Variants in TTC3 observed in about 807,000 individuals in gnomAD.
TTC3 encodes E3 ubiquitin-protein ligase TTC3.
Under a neutral mutation model 249.6 loss-of-function variants are expected in TTC3, and 180 were observed. The observed-to-expected ratio is 0.72, with a 90% confidence interval of 0.64 to 0.82. The LOEUF is 0.82. Ranked by LOEUF, TTC3 falls within the 40% of genes least tolerant of loss-of-function variation. The pLI is 0.00. For synonymous variants in TTC3, 717 were observed against 805.0 expected (o/e 0.89, Z 1.85); for missense variants, 2,061 against 2,398.4 (o/e 0.86, Z 2.94).
In TTC3 at chr21:37,152,043, A is replaced by G. The variant is rs761576547; in HGVS notation, c.2413+14A>G. ...AAGAGCAGAAAGGTATGCAGAAGCCAAAGGCATGATAAGAATAATATACTC... is the reference window on the plus strand; with the variant it reads ...AAGAGCAGAAAGGTATGCAGAAGCCGAAGGCATGATAAGAATAATATACTC... On this transcript the variant is annotated intron_variant, in intron 26 of 45. Transcript: ENST00000355666. 1.1e-4 allele frequency: 173 copies of G among 1,560,898 alleles called. No individual in the cohort carries two copies. The highest frequency in any genetic ancestry group is 1.5e-4 in the Non-Finnish European group (169 of 1,162,096).
At chr21:37,173,386 A>AC (rs1304438243) in intron 35 of TTC3, among the ~76,000 whole-genome samples, 1 of 152,210 alleles carries the variant, frequency 6.6e-6, no homozygotes, top group Non-Finnish European at 1.5e-5. Context: ...CTGTAAAGTC[A>AC]CCCAGAGTAT....
At chr21:37,089,599 C>T (rs549269484) in intron 5 of TTC3, among the ~76,000 whole-genome samples, 24 of 152,232 alleles carry the variant, frequency 1.6e-4, no homozygotes, top group South Asian at 2.1e-4. Context: ...CTGCCATCTT[C>T]GCCTCCCGGA....
At chr21:37,150,966 C>A (rs3737540) in intron 25 of TTC3, 82 bp downstream of exon 25, 487,137 of 1,053,016 alleles carry the variant, frequency 0.46, 115,582 homozygotes, top group South Asian at 0.55. Flanking sequence ...CTAAATTATG[C>A]CTTTTTAAAA....
intron 38 of TTC3, chr21:37,188,033 T>C (rs6517405): frequency 0.53 from 81,254 of 152,096 alleles, 22,352 homozygotes; most frequent in African/African-American, 0.64. Flanking sequence ...GGCCAGTTGG[T>C]TTGTGGGGAA....
intron 13 of TTC3, 31 bp from the exon 14 acceptor site, chr21:37,124,587 AT>A (rs2076909793): frequency 6.2e-7 from 1 of 1,600,534 alleles, no homozygotes; most frequent in Non-Finnish European, 8.5e-7. Flanking sequence ...CTTTCAAAAA[AT>A]GTATAATAAT....
intron 15 of TTC3, among the ~76,000 whole-genome samples, 193 bp from the exon 16 acceptor site, chr21:37,128,809 AT>A (rs1404902174): frequency 6.6e-6 from 1 of 152,042 alleles, no homozygotes; most frequent in Non-Finnish European, 1.5e-5. Context: ...TTGATCTTTA[AT>A]AATTTAATTT....
intron 27 of TTC3, among the ~76,000 whole-genome samples, chr21:37,155,994 A>G (rs1047937576): frequency 4.0e-5 from 6 of 151,872 alleles, no homozygotes; most frequent in African/African-American, 1.5e-4. Context: ...AGTTTATACT[A>G]ATTGGAATGA....
chr21:37,146,518 CAAA>C (rs573434717), intron 21 of TTC3, among the ~76,000 whole-genome samples: 5 of 136,414 alleles, frequency 3.7e-5, no homozygotes, highest in Non-Finnish European at 6.4e-5. Flanking sequence ...GACGCTGTCT[CAAA>C]AAAAAAAAAG....
rs768196169 is a variant in TTC3, at chr21:37,090,295, T to A, written c.480+9T>A. ...GTTGTAAAATAGAAAATGTAAGTGTTAAACACTGAAACTGGCACAGCCACT... is the reference window on the plus strand; with the variant it reads ...GTTGTAAAATAGAAAATGTAAGTGTAAAACACTGAAACTGGCACAGCCACT... On this transcript the variant is annotated intron_variant, in intron 6 of 45. Transcript: ENST00000355666. 2 of 1,603,248 alleles carry A rather than the reference T, an allele frequency of 1.2e-6. No individual in the cohort carries two copies. Among genetic ancestry groups the A allele is most frequent in the Non-Finnish European group, 1.7e-6 (2 of 1,173,714 alleles).
At chr21:37,073,459 C>T (rs1026099541) in intron 1 of TTC3, 4 of 986,426 alleles carry the variant, frequency 4.1e-6, no homozygotes, top group East Asian at 1.1e-4. Flanking sequence ...TCCACACCCC[C>T]TCCGTGGGTG....
chr21:37,083,324 G>C, intron 1 of TTC3: 1 of 985,430 alleles, frequency 1.0e-6, no homozygotes, highest in Non-Finnish European at 1.2e-6. Flanking sequence ...TTATATTAGG[G>C]AAGTTGGACT....
At chr21:37,104,951 A>T (rs1405616611) in intron 10 of TTC3, among the ~76,000 whole-genome samples, 1 of 152,238 alleles carries the variant, frequency 6.6e-6, no homozygotes, top group Non-Finnish European at 1.5e-5. Context: ...CTAGGCTGAG[A>T]CTAGGAGAGG....
chr21:37,080,807 GA>G (rs1221497504), intron 1 of TTC3, among the ~76,000 whole-genome samples: 2 of 151,154 alleles, frequency 1.3e-5, no homozygotes, highest in African/African-American at 2.4e-5. Flanking sequence ...ATTTTACTTT[GA>G]TTTTTTTTAG....
chr21:37,198,481 TTGC>T (rs1569206702), intron 44 of TTC3, among the ~76,000 whole-genome samples: 1 of 152,210 alleles, frequency 6.6e-6, no homozygotes, highest in East Asian at 1.9e-4. Flanking sequence ...TAGACCGTGA[TTGC>T]CTGGAGAAGA....
chr21:37,192,441 C>T (rs2084267457), intron 41 of TTC3, among the ~76,000 whole-genome samples: 3 of 151,352 alleles, frequency 2.0e-5, no homozygotes, highest in Admixed American at 2.0e-4. Flanking sequence ...GATGAATACA[C>T]CATTGCTACA....
chr21:37,153,058 C>G (rs2079634008), exon 27 of TTC3: 2 of 1,613,794 alleles, frequency 1.2e-6, no homozygotes, highest in South Asian at 2.2e-5. Flanking sequence ...TACAGCCATG[C>G]TTCTCAAAGA....
rs143083365 is a variant in TTC3, at chr21:37,135,392, A to G, written c.1456A>G (p.Ile486Val). ...TTCTTTTTTCCAGGATTTTGCTAAT[A>G]TAATGAAAATGCTGAGAAGCTTAAT... Residue 486 changes from isoleucine (I) to valine (V), a missense_variant, in exon 18 of 46, where the codon ATA becomes GTA. Coordinates refer to ENST00000355666, the Ensembl canonical transcript of TTC3. The G allele has an allele frequency of 1.1e-4, 174 of 1,610,966 alleles. No individual in the cohort carries two copies. Among genetic ancestry groups the G allele is most frequent in the Non-Finnish European group, 1.5e-4 (171 of 1,178,190 alleles).
intron 10 of TTC3, among the ~76,000 whole-genome samples, chr21:37,100,504 A>C (rs980621075): frequency 8.4e-6 from 1 of 119,552 alleles, no homozygotes; most frequent in African/African-American, 2.8e-5. Context: ...ATGGGGAAAC[A>C]GATGCTTCCT....
intron 28 of TTC3, among the ~76,000 whole-genome samples, chr21:37,159,307 T>C (rs1318402714): frequency 0.02 from 1 of 50 alleles, no homozygotes; most frequent in East Asian, 0.25. Flanking sequence ...ACTTGAGTCC[T>C]TCGTGAGCCT....
Sources: allele counts gnomAD v4.1 joint callset (sites outside exome capture counted in the v4.1 genomes callset), GRCh38; gene constraint gnomAD v4.1.1; transcripts MANE v1.5; gene names NCBI Gene and HGNC (gene_info 2026-07-23, HGNC 2026-07-21).